The following ODAD4 variants were observed in gnomAD, a reference collection of about 807,000 sequenced individuals.
The protein encoded by ODAD4 is outer dynein arm-docking complex subunit 4.
Under a neutral mutation model 51.8 loss-of-function variants are expected in ODAD4, and 49 were observed. The observed-to-expected ratio is 0.95, with a 90% CI of 0.75 to 1.20. ODAD4 has a LOEUF of 1.20. Among genes scored for constraint, ODAD4 ranks in the 50% most tolerant of loss-of-function variants. ODAD4 has a pLI of 0.00. For missense variants in ODAD4, 590 were observed against 586.5 expected (o/e 1.01, Z -0.06); for synonymous variants, 235 against 221.3 (o/e 1.06, Z -0.55).
intron 10 of ODAD4, among the ~76,000 whole-genome samples, chr17:41,958,205 T>C (rs1161749094): frequency 6.6e-6 from 1 of 152,116 alleles, no homozygotes. Flanking sequence ...AGATGTCCCC[T>C]CTTTGAGGCG....
rs1274960479 is a variant in ODAD4 at position 41,965,566 on chromosome 17, G to A, written c.*83G>A. ...ATTAAACTGGATTTTCAAGCGATTTGTCTGTTATAGGAAAAATGAGGGTTT... is the reference window on the plus strand; with the variant it reads ...ATTAAACTGGATTTTCAAGCGATTTATCTGTTATAGGAAAAATGAGGGTTT... On this transcript the variant is annotated 3_prime_UTR_variant, in exon 12 of 12. Transcript: ENST00000377540. The A allele has an allele frequency of 1.5e-6, 1 of 664,472 alleles. No individual in the cohort carries two copies. The highest frequency in any genetic ancestry group is 2.5e-5 in the East Asian group (1 of 39,868). The allele number at this position is 664,472 out of a possible 1,614,324, so 41.2% of individuals were successfully genotyped here. A position where few individuals can be genotyped will look rare whatever the true frequency, so the allele number is the denominator to read the frequency against.
chr17:41,952,860 T>C (rs2050677796), intron 9 of ODAD4, among the ~76,000 whole-genome samples: 1 of 151,618 alleles, frequency 6.6e-6, no homozygotes, highest in African/African-American at 2.4e-5. Flanking sequence ...CTCCTCAGCC[T>C]CCCCAGTTGC....
Position 41,935,272 on chromosome 17 carries a change from TC to T in ODAD4, c.172del (p.Leu58Ter), listed in dbSNP as rs782471851. The T allele has an allele frequency of 3.1e-6, 5 of 1,613,866 alleles. No homozygotes were observed. In the East Asian group the frequency reaches 1.1e-4, roughly 36 times the overall value. The stretch of plus-strand genomic sequence containing the variant: ...TGCCTGGTTGCTCGCTCAAAGTGCT[TC>T]CTGAAGATGGGAGACTTGGAGAGAT... ...KNCLVARSKC[F>X]LKMGDLERSL... On this transcript the variant is annotated frameshift_variant, in exon 2 of 12. Coordinates refer to ENST00000377540, the MANE Select transcript of ODAD4 (RefSeq NM_031421.5). LOFTEE classifies it high-confidence loss of function.
At chr17:41,933,496 C>CA (rs1247394830) in intron 1 of ODAD4, among the ~76,000 whole-genome samples, 1 of 151,988 alleles carries the variant, frequency 6.6e-6, no homozygotes, top group Non-Finnish European at 1.5e-5. Flanking sequence ...ACTAAAAATA[C>CA]AAAAAATCAA....
At chr17:41,934,547 T>C (rs1416857269) in intron 1 of ODAD4, among the ~76,000 whole-genome samples, 5 of 152,002 alleles carry the variant, frequency 3.3e-5, no homozygotes, top group Admixed American at 1.3e-4. Flanking sequence ...AGACAGGGTT[T>C]TGCCATGTTG....
intron 9 of ODAD4, among the ~76,000 whole-genome samples, chr17:41,953,557 CCAGCA>C (rs1203160505): frequency 3.6e-4 from 54 of 152,066 alleles, no homozygotes; most frequent in Middle Eastern, 3.4e-3. Context: ...GCCTGTAATC[CCAGCA>C]CTTTGGGAGG....
At chr17:41,943,079 C>T (rs2050529047) in intron 7 of ODAD4, among the ~76,000 whole-genome samples, 1 of 152,110 alleles carries the variant, frequency 6.6e-6, no homozygotes, top group South Asian at 2.1e-4. Context: ...TGAACCAGAA[C>T]TGCGTGGTAC....
At chr17:41,946,227 C>G (rs371760984) in intron 8 of ODAD4, among the ~76,000 whole-genome samples, 12 of 152,354 alleles carry the variant, frequency 7.9e-5, no homozygotes, top group African/African-American at 2.9e-4. Context: ...AGTTGCTTCT[C>G]CCTGGCACCT....
At chr17:41,931,577 G>C (rs2144480946) in intron 1 of ODAD4, among the ~76,000 whole-genome samples, 1 of 152,258 alleles carries the variant, frequency 6.6e-6, no homozygotes, top group East Asian at 1.9e-4. Context: ...GTTTTGCTAT[G>C]TTGCCCAGGC....
At chr17:41,936,699 G>A in intron 4 of ODAD4, 63 bp from the exon 5 acceptor site, 1 of 1,593,600 alleles carries the variant, frequency 6.3e-7, no homozygotes, top group African/African-American at 1.3e-5. Flanking sequence ...AGACCCTAGG[G>A]CCATGGCTGG....
At chr17:41,962,581 T>C (rs1254645731) in intron 11 of ODAD4, among the ~76,000 whole-genome samples, 1 of 152,208 alleles carries the variant, frequency 6.6e-6, no homozygotes, top group Admixed American at 6.5e-5. Context: ...ACTCATCCTA[T>C]CTGTATCTGT....
In ODAD4 at chr17:41,947,270, G is replaced by A. The variant is rs1226301240; in HGVS notation, c.1146-1883G>A. Among the ~76,000 whole-genome samples the A allele has an allele frequency of 6.9e-5, 10 of 144,926 alleles. No homozygotes were observed. The East Asian group carries it at 1.5e-3, about 22-fold the overall frequency. Reference sequence around the variant, plus strand: ...GAGCGGATCACAAGGTCAGGAGTTCGAGACCAGCCTGGCCAACATGGTGAA... The same window carrying A: ...GAGCGGATCACAAGGTCAGGAGTTCAAGACCAGCCTGGCCAACATGGTGAA... On this transcript the variant is annotated intron_variant, in intron 8 of 11. Transcript: ENST00000377540.
intron 10 of ODAD4, among the ~76,000 whole-genome samples, chr17:41,958,586 C>T (rs945872782): frequency 1.8e-4 from 26 of 143,776 alleles, no homozygotes; most frequent in Non-Finnish European, 3.6e-4. Flanking sequence ...CGCTTGAACC[C>T]GGGAGGTGGA....
Position 41,965,313 on chromosome 17 carries a change from G to A in ODAD4, c.1849G>A (p.Gly617Arg), listed in dbSNP as rs1555642476. 2.6e-6 allele frequency: 2 copies of A among 780,628 alleles called. No individual in the cohort carries two copies. The highest frequency in any genetic ancestry group is 3.4e-5 in the Admixed American group (2 of 59,020). 48.4% of individuals were successfully genotyped at this position (780,628 alleles called of 1,614,324 possible). A position where few individuals can be genotyped will look rare whatever the true frequency, so the allele number is the denominator to read the frequency against. ...ESREIYRRPS[G>R]ELEQRLSGEF... The stretch of plus-strand genomic sequence containing the variant: ...AAGAGAAATTTATAGGAGGCCTTCG[G>A]GAGAATTAGAGCAAAGACTCTCAGG... Residue 617 changes from glycine to arginine, a missense_variant, in exon 12 of 12, where the codon GGA becomes AGA. Gly to Arg is a moderately radical substitution (Grantham distance 125, BLOSUM62 -2). Around this residue, in one of 3 missense-constraint regions of ODAD4, gnomAD observed 226 missense variants for 162.7 expected, o/e 1.39. Transcript: ENST00000377540.
chr17:41,949,679 A>G (rs928824652), intron 9 of ODAD4, among the ~76,000 whole-genome samples: 20 of 151,548 alleles, frequency 1.3e-4, no homozygotes, highest in East Asian at 9.7e-4. Context: ...GTTTTGTTTC[A>G]TTTTGTTTTT....
Position 41,965,277 on chromosome 17 carries a change from A to G in ODAD4, c.1813A>G (p.Arg605Gly). The G allele has an allele frequency of 1.3e-6, 1 of 779,500 alleles. No individual in the cohort carries two copies. The highest frequency in any genetic ancestry group is 2.4e-6 in the Non-Finnish European group (1 of 417,414). The allele number at this position is 779,500 out of a possible 1,614,324, so 48.3% of individuals were successfully genotyped here. A position where few individuals can be genotyped will look rare whatever the true frequency, so the allele number is the denominator to read the frequency against. Reference protein sequence around the residue: ...ETGRKLLEAGRRESREIYRRP... With the variant: ...ETGRKLLEAGGRESREIYRRP... ...AGGCAGGAAGCTACTAGAAGCTGGC[A>G]GAAGAGAGTCAAGAGAAATTTATAG... The change falls in exon 12 of 12, where the codon AGA becomes GGA. Residue 605 changes from arginine to glycine, a missense_variant. Arg to Gly is a moderately radical substitution (Grantham distance 125, BLOSUM62 -2). Around this residue, in one of 3 missense-constraint regions of ODAD4, gnomAD observed 226 missense variants for 162.7 expected, o/e 1.39. Coordinates refer to ENST00000377540, the MANE Select transcript of ODAD4 (RefSeq NM_031421.5).
chr17:41,960,202 C>G (rs2050786393), intron 10 of ODAD4, among the ~76,000 whole-genome samples: 1 of 152,204 alleles, frequency 6.6e-6, no homozygotes, highest in African/African-American at 2.4e-5. Context: ...CACAGTGGCT[C>G]ACACCTGTCA....
chr17:41,963,641 C>CT lies in ODAD4; in HGVS notation c.1529-1337dup, dbSNP rs571961236. On this transcript the variant is annotated intron_variant, in intron 11 of 11. Transcript: ENST00000377540. The stretch of plus-strand genomic sequence containing the variant: ...GACCATTGTGTGATTTCTTTTCTTT[C>CT]TTTTTTTTTTTTTTTGAAACGGAGT... 6.9e-3 allele frequency among the ~76,000 whole-genome samples: 976 copies of CT among 140,754 alleles called. 16 individuals are homozygous for CT. The highest frequency in any genetic ancestry group is 0.02 in the Admixed American group (285 of 14,062). The allele number at this position is 140,754 out of a possible 152,430, so 92.3% of individuals were successfully genotyped here. A position where few individuals can be genotyped will look rare whatever the true frequency, so the allele number is the denominator to read the frequency against.
intron 10 of ODAD4, among the ~76,000 whole-genome samples, chr17:41,956,437 C>T (rs56054051): frequency 0.18 from 27,002 of 148,502 alleles, 2,599 homozygotes; most frequent in African/African-American, 0.21. Context: ...CTGCCCGCCT[C>T]GGCCTTCCAA....
Sources: gnomAD v4.1 joint callset for allele counts (sites outside exome capture counted in the v4.1 genomes callset) on GRCh38, gnomAD v4.1.1 for gene constraint, gnomAD v4.1.1 regional missense constraint, MANE v1.5 for transcripts, NCBI Gene and HGNC (gene_info 2026-07-23, HGNC 2026-07-21) for gene names.